Variants in NRG3 observed in about 807,000 individuals in gnomAD.
The protein encoded by NRG3 is pro-neuregulin-3, membrane-bound isoform.
NRG3 carries 31 observed loss-of-function variants against 66.9 expected under a neutral mutation model. The ratio of observed to expected loss-of-function variants is 0.46; its 90% CI spans 0.35 to 0.63. The LOEUF is 0.63. Among genes scored for constraint, NRG3 ranks in the 20% least tolerant of loss-of-function variants. The pLI, the probability that NRG3 is intolerant of heterozygous loss-of-function variation, is 0.00. For synonymous variants in NRG3, 393 were observed against 359.4 expected, an observed-to-expected ratio of 1.09 and a Z score of -1.06; for missense variants, 910 against 878.9, an observed-to-expected ratio of 1.04 and a Z score of -0.45.
At chr10:82,721,023 A>C (rs7476983) in intron 2 of NRG3, among the ~76,000 whole-genome samples, 4 of 146,700 alleles carry the variant, frequency 2.7e-5, no homozygotes, top group African/African-American at 1.0e-4. Flanking sequence ...TATCTATTTA[A>C]TTTTTGCCAA....
At chr10:82,681,238 G>GTTGACTGAACAA (rs1565196919) in intron 2 of NRG3, among the ~76,000 whole-genome samples, 2 of 152,170 alleles carry the variant, frequency 1.3e-5, no homozygotes, top group Non-Finnish European at 2.9e-5. Context: ...CACTGCCACT[G>GTTGACTGAACAA]TTGACTGAAC....
chr10:82,757,267 C>A (rs1041045177), intron 3 of NRG3, among the ~76,000 whole-genome samples: 1 of 151,998 alleles, frequency 6.6e-6, no homozygotes, highest in African/African-American at 2.4e-5. Flanking sequence ...TTATGAAGCC[C>A]CAACCACTGT....
chr10:82,595,290 A>G (rs2047208348), intron 2 of NRG3, among the ~76,000 whole-genome samples: 1 of 152,200 alleles, frequency 6.6e-6, no homozygotes, highest in Admixed American at 6.5e-5. Context: ...GACTTAAACT[A>G]TGACATGCTG....
At chr10:82,507,048 A>G (rs995742636) in intron 2 of NRG3, among the ~76,000 whole-genome samples, 1 of 152,154 alleles carries the variant, frequency 6.6e-6, no homozygotes, top group African/African-American at 2.4e-5. Flanking sequence ...TGAGGTGAAA[A>G]TTGTGTTCAG....
intron 1 of NRG3, among the ~76,000 whole-genome samples, chr10:82,108,116 T>C (rs1169440915): frequency 6.6e-6 from 1 of 152,212 alleles, no homozygotes; most frequent in Non-Finnish European, 1.5e-5. Flanking sequence ...CCATCTGATA[T>C]GCCCAGATGA....
chr10:82,618,002 A>T lies in NRG3; in HGVS notation c.954-120575A>T, dbSNP rs539288370. 7.0e-4 allele frequency among the ~76,000 whole-genome samples: 107 copies of T among 152,212 alleles called. 1 individual carries two copies. The highest frequency in any genetic ancestry group is 2.4e-3 in the African/African-American group (101 of 41,540). On this transcript the variant is annotated intron_variant, in intron 2 of 8. Transcript: ENST00000372141. ...TTCCTGGCCTAGAAGTTCACCTGTGATCTATGTCCCCTGCCCACCTGGGCT... is the reference window on the plus strand; with the variant it reads ...TTCCTGGCCTAGAAGTTCACCTGTGTTCTATGTCCCCTGCCCACCTGGGCT...
At chr10:82,294,690 A>C (rs752721612) in intron 1 of NRG3, among the ~76,000 whole-genome samples, 2 of 152,138 alleles carry the variant, frequency 1.3e-5, no homozygotes, top group Non-Finnish European at 2.9e-5. Flanking sequence ...TTCTCTCCAA[A>C]TGAAATATAC....
chr10:82,763,305 C>T lies in NRG3; in HGVS notation c.1027+24655C>T, dbSNP rs148278070. ...AGGCCACAGGAAAAATTCATGTAAC[C>T]ATCCTGAAATGCAGAAAGTATTAAA... On this transcript the variant is annotated intron_variant, in intron 3 of 8. Coordinates refer to ENST00000372141, the MANE Select transcript of NRG3 (RefSeq NM_001010848.4). 1.7e-3 allele frequency among the ~76,000 whole-genome samples: 257 copies of T among 152,222 alleles called. 1 individual carries two copies. The highest frequency in any genetic ancestry group is 5.9e-3 in the African/African-American group (247 of 41,548).
In NRG3 at chr10:82,546,549, GTATTTATGCTC is replaced by G. The variant is rs2043931031; in HGVS notation, c.953+187684_953+187694del. 2.0e-5 allele frequency among the ~76,000 whole-genome samples: 3 copies of G among 152,082 alleles called. No individual in the cohort carries two copies. In the South Asian group the frequency reaches 6.2e-4, roughly 31 times the overall value. On this transcript the variant is annotated intron_variant, in intron 2 of 8. Coordinates refer to ENST00000372141, the MANE Select transcript of NRG3 (RefSeq NM_001010848.4). The stretch of plus-strand genomic sequence containing the variant: ...TTCAGTAAAAAAAGCTGAAACAATT[GTATTTATGCTC>G]TAATCCTGTGATAATATAGATGGGA...
chr10:82,710,335 C>T (rs916603987), intron 2 of NRG3, among the ~76,000 whole-genome samples: 1 of 152,128 alleles, frequency 6.6e-6, no homozygotes, highest in Non-Finnish European at 1.5e-5. Context: ...CATGTAATCA[C>T]AGCACTTTGG....
chr10:82,063,291 T>C (rs1228376560), intron 1 of NRG3, among the ~76,000 whole-genome samples: 1 of 147,796 alleles, frequency 6.8e-6, no homozygotes, highest in Non-Finnish European at 1.5e-5. Flanking sequence ...TGTTTTTTTT[T>C]CTTTATTTTA....
chr10:82,447,591 C>T (rs1449609092), intron 2 of NRG3, among the ~76,000 whole-genome samples: 1 of 152,202 alleles, frequency 6.6e-6, no homozygotes, highest in African/African-American at 2.4e-5. Context: ...CTTCCACCCC[C>T]AGATGCACAC....
intron 2 of NRG3, among the ~76,000 whole-genome samples, chr10:82,661,892 T>C (rs1365545028): frequency 6.6e-6 from 1 of 152,182 alleles, no homozygotes; most frequent in African/African-American, 2.4e-5. Flanking sequence ...CATTAAAGCT[T>C]CATGCCTTTG....
chr10:82,361,151 A>G (rs1284094380), intron 2 of NRG3, among the ~76,000 whole-genome samples: 1 of 152,200 alleles, frequency 6.6e-6, no homozygotes, highest in African/African-American at 2.4e-5. Flanking sequence ...TGTGAGATGC[A>G]TGTACATCTC....
intron 2 of NRG3, among the ~76,000 whole-genome samples, chr10:82,459,357 A>C (rs755889758): frequency 1.1e-4 from 16 of 152,306 alleles, no homozygotes; most frequent in Non-Finnish European, 2.4e-4. Context: ...TGTTAGTGTT[A>C]TCAGCAGACT....
chr10:82,552,258 G>A (rs2044362084), intron 2 of NRG3, among the ~76,000 whole-genome samples: 2 of 152,200 alleles, frequency 1.3e-5, no homozygotes, highest in South Asian at 2.1e-4. Context: ...ATATAGGAAA[G>A]GCAGGATAAA....
chr10:82,711,465 A>G (rs540131859), intron 2 of NRG3, among the ~76,000 whole-genome samples: 2 of 152,050 alleles, frequency 1.3e-5, no homozygotes, highest in African/African-American at 2.4e-5. Flanking sequence ...TTTTAAAAAT[A>G]TATTCCTCCT....
At chr10:82,165,518 T>G (rs1372129798) in intron 1 of NRG3, among the ~76,000 whole-genome samples, 1 of 152,058 alleles carries the variant, frequency 6.6e-6, no homozygotes, top group Non-Finnish European at 1.5e-5. Context: ...CATTAGGCAT[T>G]TGTTCTTTTG....
chr10:82,348,220 C>T (rs2083167400), intron 1 of NRG3, among the ~76,000 whole-genome samples: 1 of 152,146 alleles, frequency 6.6e-6, no homozygotes, highest in South Asian at 2.1e-4. Flanking sequence ...TGTTCTTTTC[C>T]ATGTTTAGCG....
Sources: gnomAD v4.1 joint callset for allele counts (sites outside exome capture counted in the v4.1 genomes callset) on GRCh38, gnomAD v4.1.1 for gene constraint, MANE v1.5 for transcripts, NCBI Gene and HGNC (gene_info 2026-07-23, HGNC 2026-07-21) for gene names.